The following NFKBIB variants were observed in gnomAD, a reference collection of about 807,000 sequenced individuals.
NFKBIB encodes NFKB inhibitor beta, also known as NF-kappa-B inhibitor beta.
A neutral mutation model predicts 32.1 loss-of-function variants in NFKBIB; 16 were observed. That is an observed-to-expected ratio of 0.50 (90% CI 0.34 to 0.76). The LOEUF (loss-of-function observed/expected upper bound fraction) is 0.76. Among genes scored for constraint, NFKBIB ranks in the 30% least tolerant of loss-of-function variants. The pLI is 0.01. For synonymous variants in NFKBIB, 222 were observed against 219.5 expected (o/e 1.01, Z -0.10); for missense variants, 437 against 514.9 (o/e 0.85, Z 1.46).
At chr19:38,906,572 C>A (rs1486824289) in intron 3 of NFKBIB, among the ~76,000 whole-genome samples, 1 of 148,262 alleles carries the variant, frequency 6.7e-6, no homozygotes, top group Admixed American at 6.7e-5. Context: ...TGGGTTCACA[C>A]CATTCTCCTG....
intron 3 of NFKBIB, among the ~76,000 whole-genome samples, chr19:38,906,477 T>G (rs1974124533): frequency 7.0e-6 from 1 of 143,360 alleles, no homozygotes; most frequent in Non-Finnish European, 1.5e-5. Flanking sequence ...TTTTTTTTTT[T>G]TTTTTTTTTT....
intron 3 of NFKBIB, among the ~76,000 whole-genome samples, chr19:38,906,131 C>CTTTTTTTTTTTTT (rs11300670): frequency 2.1e-5 from 2 of 97,350 alleles, no homozygotes; most frequent in African/African-American, 4.5e-5. Flanking sequence ...TACTTGGTAC[C>CTTTTTTTTTTTTT]TTTTTTTTTT....
Position 38,908,399 on chromosome 19 carries a change from C to T in NFKBIB, c.970-332C>T, listed in dbSNP as rs895624140. 58 of 767,192 alleles carry T rather than the reference C, an allele frequency of 7.6e-5. No individual in the cohort carries two copies. In the African/African-American group the frequency reaches 1.1e-3, roughly 14 times the overall value. 47.5% of individuals were successfully genotyped at this position (767,192 alleles called of 1,614,324 possible). On this transcript the variant is annotated intron_variant, in intron 5 of 5. Transcript: ENST00000313582. ...ACTAAAAATACAAAAATTAGCTGGG[C>T]GTGGTGGCGCATGCCTATAATCCCA...
intron 5 of NFKBIB, 48 bp downstream of exon 5, chr19:38,907,707 G>T: frequency 6.6e-7 from 1 of 1,523,048 alleles, no homozygotes; most frequent in South Asian, 1.2e-5. Context: ...GGTCAGGATA[G>T]ACCGGCAGGC....
At position 38,902,360 on chromosome 19, in the gene NFKBIB, G is replaced by A. The variant is rs532837981; in HGVS notation, c.179+2149G>A. On this transcript the variant is annotated intron_variant, in intron 1 of 5. Coordinates refer to ENST00000313582, the MANE Select transcript of NFKBIB (RefSeq NM_002503.5). ...GCTGGGATTACAGGCGTGAGCCACC[G>A]CGCCCGGCCTCATTTTATTTCTTTT... Among the ~76,000 whole-genome samples the A allele has an allele frequency of 5.9e-5, 9 of 151,824 alleles. No individual in the cohort carries two copies. The East Asian group carries it at 9.7e-4, about 16-fold the overall frequency.
chr19:38,908,557 AAG>A, intron 5 of NFKBIB, 172 bp from the exon 6 acceptor site: 7 of 1,312,442 alleles, frequency 5.3e-6, no homozygotes, highest in South Asian at 4.7e-5. Flanking sequence ...AAAAAAAAAA[AAG>A]AAAGAAAAGA....
intron 1 of NFKBIB, among the ~76,000 whole-genome samples, chr19:38,904,115 A>G (rs889742289): frequency 6.6e-6 from 1 of 150,536 alleles, no homozygotes; most frequent in Admixed American, 6.6e-5. Flanking sequence ...AAATAAATAA[A>G]TATTCTTGAA....
intron 1 of NFKBIB, among the ~76,000 whole-genome samples, chr19:38,904,034 C>T (rs370722187): frequency 5.9e-5 from 9 of 151,894 alleles, no homozygotes; most frequent in South Asian, 2.1e-4. Context: ...CGTGTCACTG[C>T]GCTCCAGCCT....
chr19:38,907,725 C>A, intron 5 of NFKBIB, 66 bp downstream of exon 5: 1 of 1,490,454 alleles, frequency 6.7e-7, no homozygotes, highest in Non-Finnish European at 9.0e-7. Flanking sequence ...GGCAAGAAGC[C>A]CAAGAAGATA....
At position 38,905,843 on chromosome 19, in the gene NFKBIB, C is replaced by CCCCTA. The variant is rs1378856692; in HGVS notation, c.619+317_619+321dup. On this transcript the variant is annotated intron_variant, in intron 3 of 5. Transcript: ENST00000313582. The surrounding 1 kb of genome is among the most constrained non-coding windows in gnomAD (Gnocchi z 5.5). ...CCCCACCTGCAGAGTGTATTGCAGA[C>CCCCTA]CCCTACCCTACCCAGGACCGGGGAA... 1.3e-5 allele frequency among the ~76,000 whole-genome samples: 2 copies of CCCCTA among 152,112 alleles called. No individual in the cohort carries two copies. Among genetic ancestry groups the CCCCTA allele is most frequent in the Non-Finnish European group, 2.9e-5 (2 of 68,008 alleles).
chr19:38,904,537 A>G (rs1228252971), intron 1 of NFKBIB, among the ~76,000 whole-genome samples: 1 of 152,048 alleles, frequency 6.6e-6, no homozygotes, highest in East Asian at 1.9e-4. Flanking sequence ...CTCTTCCTCC[A>G]TATCCATCTC....
chr19:38,902,349 C>T (rs1292075235), intron 1 of NFKBIB, among the ~76,000 whole-genome samples: 1 of 151,930 alleles, frequency 6.6e-6, no homozygotes, highest in Non-Finnish European at 1.5e-5. Flanking sequence ...GGATTACAGG[C>T]GTGAGCCACC....
At position 38,907,394 on chromosome 19, in the gene NFKBIB, C is replaced by A; in HGVS notation, c.709-5C>A. The A allele has an allele frequency of 6.3e-7, 1 of 1,588,834 alleles. No homozygotes were observed. The highest frequency in any genetic ancestry group is 1.1e-5 in the South Asian group (1 of 89,498). ...CCCTCTGACCTTTCTGTTGCACCCC[C>A]ACAGGAGCCCACGTGCGGCCGGAGC... On this transcript the variant is annotated splice_region_variant and splice_polypyrimidine_tract_variant and intron_variant, in intron 4 of 5. Coordinates refer to ENST00000313582, the MANE Select transcript of NFKBIB (RefSeq NM_002503.5).
chr19:38,900,211 C>A lies in NFKBIB; in HGVS notation c.179C>A (p.Thr60Lys). 1.3e-6 allele frequency: 2 copies of A among 1,597,606 alleles called. No individual in the cohort carries two copies. The highest frequency in any genetic ancestry group is 1.7e-6 in the Non-Finnish European group (2 of 1,174,468). Reference protein sequence around the residue: ...VFGYVTEDGDTALHLAVIHQH... With the variant: ...VFGYVTEDGDKALHLAVIHQH... ...GGCTACGTCACTGAGGATGGGGACACGTGAGTGAACCTTAGGCTGCCAAAC... is the reference window on the plus strand; with the variant it reads ...GGCTACGTCACTGAGGATGGGGACAAGTGAGTGAACCTTAGGCTGCCAAAC... The change falls in exon 1 of 6, where the codon ACG becomes AAG. Residue 60 changes from threonine to lysine, a missense_variant and splice_region_variant. By Grantham distance (78) the Thr-to-Lys change is moderately conservative (BLOSUM62 -1). Coordinates refer to ENST00000313582, the MANE Select transcript of NFKBIB (RefSeq NM_002503.5).
chr19:38,907,819 CAG>C, intron 5 of NFKBIB, 160 bp downstream of exon 5: 1 of 1,431,162 alleles, frequency 7.0e-7, no homozygotes, highest in Non-Finnish European at 9.2e-7. Context: ...GAGACCTGGA[CAG>C]GGGTGGTGGG....
rs781771654 is a variant in NFKBIB, at chr19:38,907,202, CCAAT to C, written c.620-16_620-13del. ...GGGGCCCTCACCTCATCATCTGACG[CCAAT>C]CACTCTGTCCCCAGGCCACACCCCA... On this transcript the variant is annotated splice_polypyrimidine_tract_variant and intron_variant, in intron 3 of 5. Coordinates refer to ENST00000313582, the MANE Select transcript of NFKBIB (RefSeq NM_002503.5). 16 of 1,596,382 alleles carry C rather than the reference CCAAT, an allele frequency of 1.0e-5. No individual in the cohort carries two copies. The highest frequency in any genetic ancestry group is 1.4e-5 in the Non-Finnish European group (16 of 1,166,916).
chr19:38,901,006 GT>G (rs10713585), intron 1 of NFKBIB, among the ~76,000 whole-genome samples: 93,403 of 151,978 alleles, frequency 0.61, 29,484 homozygotes, highest in East Asian at 0.96. Context: ...GTCAGAGGTA[GT>G]TAAGTACTTT....
upstream of NFKBIB, chr19:38,899,729 G>T: frequency 2.6e-6 from 2 of 766,266 alleles, no homozygotes; most frequent in Non-Finnish European, 4.4e-6. Flanking sequence ...CACCCAGAGC[G>T]CCCCAGTTAG....
At chr19:38,904,172 T>C (rs1214869268) in intron 1 of NFKBIB, among the ~76,000 whole-genome samples, 2 of 152,140 alleles carry the variant, frequency 1.3e-5, no homozygotes, top group Non-Finnish European at 2.9e-5. Flanking sequence ...GTTTGAGTCT[T>C]TCCAGTTTTG....
Sources: gnomAD v4.1 joint callset for allele counts (sites outside exome capture counted in the v4.1 genomes callset) on GRCh38, gnomAD v4.1.1 for gene constraint, Gnocchi (gnomAD v3.1) non-coding constraint, MANE v1.5 for transcripts, NCBI Gene and HGNC (gene_info 2026-07-23, HGNC 2026-07-21) for gene names.